ST6GALNAC3: variants seen among roughly 807,000 people sequenced by gnomAD.
ST6GALNAC3 encodes ST6 N-acetylgalactosaminide alpha-2,6-sialyltransferase 3, also known as alpha-N-acetylgalactosaminide alpha-2,6-sialyltransferase 3.
In ST6GALNAC3, 25 loss-of-function variants were observed where a neutral mutation model predicts 32.7. That is an observed-to-expected ratio of 0.76 (90% confidence interval 0.56 to 1.07). The LOEUF (loss-of-function observed/expected upper bound fraction) is 1.07. ST6GALNAC3 is among the 50% of genes least tolerant of loss of function. The pLI, the probability that ST6GALNAC3 is intolerant of heterozygous loss-of-function variation, is 0.00. For synonymous variants in ST6GALNAC3, 129 were observed against 133.1 expected, an observed-to-expected ratio of 0.97 and a Z score of 0.21; for missense variants, 355 against 382.4, an observed-to-expected ratio of 0.93 and a Z score of 0.60.
chr1:76,374,567 T>A (rs921139682), intron 2 of ST6GALNAC3, among the ~76,000 whole-genome samples: 11 of 152,234 alleles, frequency 7.2e-5, no homozygotes, highest in Non-Finnish European at 2.9e-5. Context: ...TATCGTAGAT[T>A]CTTTAAGAAG....
rs137997758 is a variant in ST6GALNAC3 at position 76,548,339 on chromosome 1, A to G, written c.624-79113A>G. Among the ~76,000 whole-genome samples, 258 of 152,294 alleles carry G rather than the reference A, an allele frequency of 1.7e-3. 1 individual carries two copies. Among genetic ancestry groups the G allele is most frequent in the African/African-American group, 6.0e-3 (248 of 41,556 alleles). ...TATCGATAGTGGCCCAGGCCAGTAG[A>G]TATTAATTCACTTGCTTGAAGTCCA... On this transcript the variant is annotated intron_variant, in intron 3 of 4. Transcript: ENST00000328299.
At chr1:76,533,470 C>T (rs1183302803) in intron 3 of ST6GALNAC3, among the ~76,000 whole-genome samples, 1 of 152,148 alleles carries the variant, frequency 6.6e-6, no homozygotes, top group Non-Finnish European at 1.5e-5. Flanking sequence ...CTTTTTCCTA[C>T]ATCACCCGCC....
chr1:76,157,187 A>G (rs1377941738), intron 1 of ST6GALNAC3, among the ~76,000 whole-genome samples: 1 of 152,184 alleles, frequency 6.6e-6, no homozygotes, highest in Non-Finnish European at 1.5e-5. Context: ...ACTGATCTAC[A>G]AATATATCTG....
chr1:76,109,591 A>G (rs931949100), intron 1 of ST6GALNAC3, among the ~76,000 whole-genome samples: 10 of 152,202 alleles, frequency 6.6e-5, no homozygotes, highest in African/African-American at 2.4e-4. Context: ...GTCTCAATAA[A>G]GCATGTGAAG....
chr1:76,460,304 C>T (rs1571304595), intron 3 of ST6GALNAC3, among the ~76,000 whole-genome samples: 2 of 152,126 alleles, frequency 1.3e-5, no homozygotes, highest in South Asian at 2.1e-4. Context: ...GTCTTTTGCC[C>T]ATTTTTAAAT....
Position 76,499,528 on chromosome 1 carries a change from C to T in ST6GALNAC3, c.623+87111C>T, listed in dbSNP as rs115289384. 3.7e-3 allele frequency among the ~76,000 whole-genome samples: 560 copies of T among 152,174 alleles called. 4 individuals are homozygous for T. Among genetic ancestry groups the T allele is most frequent in the African/African-American group, 0.013 (537 of 41,524 alleles). On this transcript the variant is annotated intron_variant, in intron 3 of 4. Transcript: ENST00000328299. Reference sequence around the variant, plus strand: ...CCCAGGTTTGCAGCTTCCACGTTCTCGGTTCTACTCAGTTCTCCTTTGGTA... The same window carrying T: ...CCCAGGTTTGCAGCTTCCACGTTCTTGGTTCTACTCAGTTCTCCTTTGGTA...
intron 1 of ST6GALNAC3, among the ~76,000 whole-genome samples, chr1:76,270,771 C>T (rs72641169): frequency 0.04 from 6,146 of 152,194 alleles, 481 homozygotes; most frequent in East Asian, 0.19. Context: ...CTCAGTAAGA[C>T]GGGTCACCTC....
chr1:76,529,930 A>C (rs1387432471), intron 3 of ST6GALNAC3, among the ~76,000 whole-genome samples: 9 of 152,220 alleles, frequency 5.9e-5, no homozygotes, highest in Non-Finnish European at 8.8e-5. Context: ...CCTCACATGC[A>C]GTGATTGCTC....
At chr1:76,520,975 CT>C (rs66700462) in intron 3 of ST6GALNAC3, among the ~76,000 whole-genome samples, 15,672 of 151,924 alleles carry the variant, frequency 0.1, 1,004 homozygotes, top group East Asian at 0.21. Context: ...CCTACCTGAT[CT>C]TTTTTAAATG....
chr1:76,560,142 A>G (rs773001103), intron 3 of ST6GALNAC3, among the ~76,000 whole-genome samples: 26 of 152,166 alleles, frequency 1.7e-4, no homozygotes, highest in Admixed American at 9.2e-4. Context: ...ATGCAGAAGA[A>G]TAAAACTAGA....
chr1:76,308,334 C>G (rs1661191392), intron 1 of ST6GALNAC3, among the ~76,000 whole-genome samples: 1 of 152,102 alleles, frequency 6.6e-6, no homozygotes, highest in Non-Finnish European at 1.5e-5. Flanking sequence ...TCTGCATTTT[C>G]CACTCATTGT....
chr1:76,221,586 A>G (rs1228425605), intron 1 of ST6GALNAC3, among the ~76,000 whole-genome samples: 1 of 152,154 alleles, frequency 6.6e-6, no homozygotes, highest in Non-Finnish European at 1.5e-5. Context: ...TCTGTCCTTC[A>G]TTCATAGTCA....
chr1:76,557,822 T>C (rs1665017022), intron 3 of ST6GALNAC3, among the ~76,000 whole-genome samples: 1 of 152,154 alleles, frequency 6.6e-6, no homozygotes, highest in South Asian at 2.1e-4. Context: ...ACTTTATACA[T>C]ATATTTCTTC....
rs569590554 is a variant in ST6GALNAC3 at position 76,601,406 on chromosome 1, G to A, written c.624-26046G>A. Reference sequence around the variant, plus strand: ...AGATGAATAAAGGAATTAGGACTTGGGTCTTGGTTTCCAAAAAGAGAAAAT... The same window carrying A: ...AGATGAATAAAGGAATTAGGACTTGAGTCTTGGTTTCCAAAAAGAGAAAAT... On this transcript the variant is annotated intron_variant, in intron 3 of 4. Coordinates refer to ENST00000328299, the MANE Select transcript of ST6GALNAC3 (RefSeq NM_152996.4). Among the ~76,000 whole-genome samples the A allele has an allele frequency of 1.5e-4, 23 of 152,126 alleles. No homozygotes were observed. The East Asian group carries it at 3.9e-3, about 26-fold the overall frequency.
intron 1 of ST6GALNAC3, among the ~76,000 whole-genome samples, chr1:76,107,115 C>A (rs1412654134): frequency 6.6e-6 from 1 of 152,156 alleles, no homozygotes. Flanking sequence ...ATGGAGAGAA[C>A]TTACATTGTG....
At chr1:76,426,704 T>C (rs1343200544) in intron 3 of ST6GALNAC3, among the ~76,000 whole-genome samples, 2 of 151,950 alleles carry the variant, frequency 1.3e-5, no homozygotes, top group African/African-American at 2.4e-5. Flanking sequence ...CTGTACATAA[T>C]TGTATGTGTT....
At chr1:76,192,150 A>G (rs1653934316) in intron 1 of ST6GALNAC3, among the ~76,000 whole-genome samples, 1 of 152,224 alleles carries the variant, frequency 6.6e-6, no homozygotes, top group African/African-American at 2.4e-5. Context: ...ATATAATTAA[A>G]GAAACTAATA....
At chr1:76,221,841 T>C (rs1228176285) in intron 1 of ST6GALNAC3, among the ~76,000 whole-genome samples, 1 of 152,144 alleles carries the variant, frequency 6.6e-6, no homozygotes, top group Non-Finnish European at 1.5e-5. Flanking sequence ...ATAAGAGTTA[T>C]TAATATAAAA....
chr1:76,232,075 G>GC (rs1386806534), intron 1 of ST6GALNAC3, among the ~76,000 whole-genome samples: 7 of 152,132 alleles, frequency 4.6e-5, no homozygotes, highest in Admixed American at 1.3e-4. Flanking sequence ...ACAGAACCAG[G>GC]CTTTGATACC....
Sources: gnomAD v4.1 joint callset for allele counts (sites outside exome capture counted in the v4.1 genomes callset) on GRCh38, gnomAD v4.1.1 for gene constraint, MANE v1.5 for transcripts, NCBI Gene and HGNC (gene_info 2026-07-23, HGNC 2026-07-21) for gene names.